Variants in ADORA2B observed in about 807,000 individuals in gnomAD.
ADORA2B encodes adenosine receptor A2b.
In ADORA2B, 18 loss-of-function variants were observed where a neutral mutation model predicts 20.8. The observed-to-expected ratio is 0.87, with a 90% confidence interval of 0.60 to 1.29. The LOEUF (loss-of-function observed/expected upper bound fraction) is 1.29, where lower values mean the gene tolerates loss of function less well. ADORA2B is among the 50% of genes most tolerant of loss of function. ADORA2B has a pLI of 0.00. For synonymous variants in ADORA2B, 179 were observed against 178.3 expected (o/e 1.00, Z -0.03); for missense variants, 441 against 422.7 (o/e 1.04, Z -0.38).
chr17:15,948,648 G>A (rs1366364799), intron 1 of ADORA2B, among the ~76,000 whole-genome samples: 1 of 152,174 alleles, frequency 6.6e-6, no homozygotes, highest in African/African-American at 2.4e-5. Flanking sequence ...TGAGTCTCTG[G>A]CAGGGCTGAG....
the ADORA2B span, among the ~76,000 whole-genome samples, chr17:15,869,279 C>A: frequency 2.0e-5 from 3 of 151,704 alleles, no homozygotes; most frequent in Non-Finnish European, 4.4e-5. Flanking sequence ...AGAATCATGC[C>A]ACTGCACTGT....
At chr17:15,967,199 G>C (rs2151606653) in intron 1 of ADORA2B, among the ~76,000 whole-genome samples, 1 of 151,908 alleles carries the variant, frequency 6.6e-6, no homozygotes, top group East Asian at 1.9e-4. Context: ...GTTCCTTCCA[G>C]TGTCCTGCCC....
At chr17:15,874,070 A>ATATATATATG in the ADORA2B span, among the ~76,000 whole-genome samples, 327 of 85,080 alleles carry the variant, frequency 3.8e-3, 6 homozygotes, top group African/African-American at 0.012. Flanking sequence ...GTGTGTGTGT[A>ATATATATATG]TATATATATA....
At chr17:15,871,904 C>G in the ADORA2B span, among the ~76,000 whole-genome samples, 2 of 152,158 alleles carry the variant, frequency 1.3e-5, no homozygotes, top group African/African-American at 4.8e-5. Context: ...CCTGTAGGTC[C>G]TCCCTCTGAT....
chr17:15,973,164 G>A (rs917677838), intron 1 of ADORA2B, among the ~76,000 whole-genome samples: 2 of 152,310 alleles, frequency 1.3e-5, no homozygotes, highest in African/African-American at 4.8e-5. Context: ...ATGTCTTGTG[G>A]TGTTTGTGGG....
intron 1 of ADORA2B, among the ~76,000 whole-genome samples, chr17:15,967,892 G>T (rs1970141246): frequency 6.6e-6 from 1 of 152,108 alleles, no homozygotes; most frequent in East Asian, 1.9e-4. Flanking sequence ...AGTGTGAGTG[G>T]ACGAAAAGGC....
intron 1 of ADORA2B, among the ~76,000 whole-genome samples, chr17:15,967,497 C>T (rs1242615367): frequency 2.0e-5 from 3 of 152,078 alleles, no homozygotes; most frequent in Non-Finnish European, 4.4e-5. Context: ...TCCCAAAGTG[C>T]TGGGATTACA....
chr17:15,897,789 A>G, the ADORA2B span, among the ~76,000 whole-genome samples: 2 of 152,206 alleles, frequency 1.3e-5, no homozygotes, highest in Admixed American at 6.5e-5. Flanking sequence ...TGGGGAATCT[A>G]AGAAATGAGA....
chr17:15,890,713 G>T, the ADORA2B span, among the ~76,000 whole-genome samples: 15 of 152,246 alleles, frequency 9.9e-5, no homozygotes, highest in East Asian at 2.7e-3. Context: ...AACAATATCC[G>T]CCTCCCAGTG....
chr17:15,878,885 T>C, the ADORA2B span, among the ~76,000 whole-genome samples: 19 of 152,166 alleles, frequency 1.2e-4, no homozygotes, highest in African/African-American at 4.6e-4. Context: ...ATAGCATAAA[T>C]AGATTTTCTA....
chr17:15,944,540 A>G (rs1025942504), upstream of ADORA2B, among the ~76,000 whole-genome samples: 80 of 152,088 alleles, frequency 5.3e-4, no homozygotes, highest in Middle Eastern at 3.4e-3. The surrounding 1 kb of genome is among the most constrained non-coding windows in gnomAD (Gnocchi z 4.8). Flanking sequence ...GGTGGAGAAC[A>G]GCGCTGAGCC....
chr17:15,894,739 A>G, the ADORA2B span, among the ~76,000 whole-genome samples: 7 of 152,230 alleles, frequency 4.6e-5, no homozygotes, highest in Admixed American at 3.3e-4. Context: ...CTGGTTGGAC[A>G]GGGCCATTTT....
At chr17:15,965,195 C>T (rs1970100521) in intron 1 of ADORA2B, among the ~76,000 whole-genome samples, 1 of 152,206 alleles carries the variant, frequency 6.6e-6, no homozygotes, top group South Asian at 2.1e-4. Context: ...GAAGCTGAAA[C>T]CATGTTCATG....
the ADORA2B span, among the ~76,000 whole-genome samples, chr17:15,879,256 A>G: frequency 0.019 from 2,951 of 152,134 alleles, 75 homozygotes; most frequent in Admixed American, 0.044. Flanking sequence ...TTTGAGACCA[A>G]TCAGGTCAAC....
the ADORA2B span, among the ~76,000 whole-genome samples, chr17:15,925,726 T>C: frequency 1.3e-5 from 2 of 152,062 alleles, no homozygotes; most frequent in Non-Finnish European, 2.9e-5. Flanking sequence ...AGACAGCACT[T>C]TGGGAGGCCG....
chr17:15,893,893 T>C, the ADORA2B span, among the ~76,000 whole-genome samples: 1 of 152,198 alleles, frequency 6.6e-6, no homozygotes, highest in Non-Finnish European at 1.5e-5. Flanking sequence ...CAGGGGTCAG[T>C]TGGTCTCAGT....
the ADORA2B span, among the ~76,000 whole-genome samples, chr17:15,882,814 C>T: frequency 2.6e-5 from 4 of 152,112 alleles, no homozygotes; most frequent in African/African-American, 9.7e-5. Flanking sequence ...GTCGTCTTTC[C>T]TCCCATGGGC....
At chr17:15,866,779 G>C in the ADORA2B span, among the ~76,000 whole-genome samples, 2 of 138,852 alleles carry the variant, frequency 1.4e-5, no homozygotes, top group African/African-American at 6.1e-5. Context: ...TCCCTCTGAT[G>C]CCGAGCCAAA....
chr17:15,855,225 C>T, the ADORA2B span, among the ~76,000 whole-genome samples: 1 of 152,144 alleles, frequency 6.6e-6, no homozygotes, highest in Admixed American at 6.5e-5. Context: ...GCCACCACAC[C>T]CGACCAGATT....
Sources: gnomAD v4.1 joint callset for allele counts (sites outside exome capture counted in the v4.1 genomes callset) on GRCh38, gnomAD v4.1.1 for gene constraint, Gnocchi (gnomAD v3.1) non-coding constraint, MANE v1.5 for transcripts, NCBI Gene and HGNC (gene_info 2026-07-23, HGNC 2026-07-21) for gene names.